Variants in RNF130 observed in about 807,000 individuals in gnomAD.
The protein encoded by RNF130 is E3 ubiquitin-protein ligase RNF130.
RNF130 carries 21 observed loss-of-function variants against 44.6 expected under a neutral mutation model. The ratio of observed to expected loss-of-function variants is 0.47; its 90% CI spans 0.33 to 0.68. RNF130 has a LOEUF of 0.68. Among genes scored for constraint, RNF130 ranks in the 30% least tolerant of loss-of-function variants. The probability of loss-of-function intolerance (pLI) is 0.02; values close to 1 mark genes in which losing one functional copy is unlikely to be tolerated. For synonymous variants in RNF130, 214 were observed against 210.4 expected (o/e 1.02, Z -0.15); for missense variants, 479 against 560.6 (o/e 0.85, Z 1.47).
intron 2 of RNF130, 24 bp downstream of exon 2, chr5:180,040,429 T>C (rs546256737): frequency 6.3e-7 from 1 of 1,594,606 alleles, no homozygotes; most frequent in South Asian, 1.1e-5. Flanking sequence ...AAAAACAAAA[T>C]CAACAACCCT....
At chr5:179,918,603 C>T (rs1157526104) in exon 8 of RNF130, 1 of 152,156 alleles carries the variant, frequency 6.6e-6, no homozygotes, top group Non-Finnish European at 1.5e-5. Context: ...GGGAAACCTG[C>T]TTTTCTGAAC....
chr5:179,979,475 G>C (rs1331328235), intron 4 of RNF130, among the ~76,000 whole-genome samples: 1 of 152,058 alleles, frequency 6.6e-6, no homozygotes, highest in Non-Finnish European at 1.5e-5. Flanking sequence ...GTGTGGGGCA[G>C]GAGACAGTTT....
intron 1 of RNF130, among the ~76,000 whole-genome samples, chr5:180,045,627 C>T (rs1302706951): frequency 2.6e-5 from 4 of 152,148 alleles, no homozygotes; most frequent in Admixed American, 6.5e-5. Flanking sequence ...AGCTGATTGG[C>T]CCATTTTGAC....
chr5:179,966,658 C>A, intron 7 of RNF130, 148 bp downstream of exon 7: 1 of 666,374 alleles, frequency 1.5e-6, no homozygotes, highest in Non-Finnish European at 2.6e-6. Flanking sequence ...TTCATTCTTC[C>A]AAATACCTGT....
intron 3 of RNF130, 195 bp from the exon 4 acceptor site, chr5:179,980,395 T>C: frequency 1.8e-6 from 1 of 551,094 alleles, no homozygotes; most frequent in Admixed American, 3.1e-5. Context: ...GTAAAAAGTG[T>C]TAGAACACCC....
chr5:180,009,945 A>G (rs1763548056), intron 3 of RNF130, among the ~76,000 whole-genome samples: 1 of 152,206 alleles, frequency 6.6e-6, no homozygotes, highest in Non-Finnish European at 1.5e-5. Flanking sequence ...ACTGATACAC[A>G]TAACAACTTG....
intron 7 of RNF130, among the ~76,000 whole-genome samples, chr5:179,940,507 G>T (rs1402478098): frequency 1.3e-5 from 2 of 152,060 alleles, no homozygotes; most frequent in African/African-American, 4.8e-5. Context: ...AAAGTGCTGG[G>T]ATTACAGGCA....
In RNF130 at chr5:180,071,584, T is replaced by C. The variant is rs1765269209; in HGVS notation, c.119A>G (p.Asn40Ser). ...GCGGCCGGGCTCCTGCACCGTCACG[T>C]TGATGAGCGCCGTGTAGTACTCCTG... is the stretch of plus-strand genomic sequence containing the variant. Reference protein sequence around the residue: ...ASQEYYTALINVTVQEPGRGA... With the variant: ...ASQEYYTALISVTVQEPGRGA... The change falls in exon 1 of 9, where the codon AAC (asparagine) becomes AGC (serine). Residue 40 changes from asparagine to serine, a missense_variant. Asn to Ser is a conservative substitution (Grantham distance 46, BLOSUM62 1). Coordinates refer to ENST00000521389, the MANE Select transcript of RNF130 (RefSeq NM_018434.6). The C allele has an allele frequency of 6.7e-7, 1 of 1,492,322 alleles. No individual in the cohort carries two copies. The highest frequency in any genetic ancestry group is 9.0e-7 in the Non-Finnish European group (1 of 1,117,292). The allele number at this position is 1,492,322 out of a possible 1,614,324, so 92.4% of individuals were successfully genotyped here. A position where few individuals can be genotyped will look rare whatever the true frequency, so the allele number is the denominator to read the frequency against.
intron 4 of RNF130, among the ~76,000 whole-genome samples, chr5:179,979,622 G>A (rs950322828): frequency 2.0e-5 from 3 of 152,026 alleles, no homozygotes; most frequent in Non-Finnish European, 2.9e-5. Context: ...GCTCTGAGGC[G>A]GGATGTCAGT....
Position 180,013,174 on chromosome 5 carries a change from A to C in RNF130, c.580T>G (p.Ser194Ala). ...AAGGATATTGACACGAAGACTAGAG[A>C]GCCACGGCTGAAGTTCTTCGGTGGC... ...RMPPKNFSRG[S>A]LVFVSISFIV... Residue 194 changes from serine to alanine, a missense_variant, in exon 3 of 9, where the codon TCT (serine) becomes GCT (alanine). Ser to Ala is a moderately conservative substitution (Grantham distance 99). Transcript: ENST00000521389. The C allele has an allele frequency of 1.2e-6, 2 of 1,614,150 alleles. No homozygotes were observed. Among genetic ancestry groups the C allele is most frequent in the East Asian group, 2.2e-5 (1 of 44,878 alleles).
intron 3 of RNF130, among the ~76,000 whole-genome samples, chr5:179,989,356 T>TC (rs1415991227): frequency 1.3e-5 from 2 of 152,186 alleles, no homozygotes; most frequent in Admixed American, 6.5e-5. Context: ...ATACTGAATT[T>TC]CCCAACCATT....
intron 1 of RNF130, among the ~76,000 whole-genome samples, chr5:180,057,689 G>T (rs186865645): frequency 1.4e-4 from 21 of 152,278 alleles, no homozygotes; most frequent in Admixed American, 1.4e-3. Flanking sequence ...CTGGTCATGG[G>T]ACCCTTCCAG....
chr5:179,970,792 T>C (rs957784671), intron 5 of RNF130, among the ~76,000 whole-genome samples: 1 of 152,194 alleles, frequency 6.6e-6, no homozygotes, highest in Non-Finnish European at 1.5e-5. Flanking sequence ...ACTTAGAAAA[T>C]TTATTAAGAA....
chr5:180,051,949 T>A (rs973379336), intron 1 of RNF130, among the ~76,000 whole-genome samples: 1 of 152,198 alleles, frequency 6.6e-6, no homozygotes, highest in African/African-American at 2.4e-5. Flanking sequence ...ACAAAGTTGG[T>A]GTCACAGTGC....
rs1762589076 is a variant in RNF130, at chr5:179,971,641, T to C, written c.849-1135A>G. On this transcript the variant is annotated intron_variant, in intron 5 of 8. Coordinates refer to ENST00000521389, the MANE Select transcript of RNF130 (RefSeq NM_018434.6). ...GCCTCGGCCTCCCAAAGTGCTGGGA[T>C]GACAGGCGTGAGCCACCACACCCGG... is the stretch of plus-strand genomic sequence containing the variant. Among the ~76,000 whole-genome samples, 4 of 152,344 alleles carry C rather than the reference T, an allele frequency of 2.6e-5. 1 individual carries two copies. The South Asian group carries it at 8.3e-4, about 32-fold the overall frequency.
At chr5:179,954,454 C>A (rs575859864), downstream of RNF130, among the ~76,000 whole-genome samples, 7 of 152,294 alleles carry the variant, frequency 4.6e-5, no homozygotes, top group African/African-American at 1.7e-4. Context: ...CATGCTAAGT[C>A]AAAGACGCCA....
At chr5:179,953,151 T>C (rs1280263575), downstream of RNF130, among the ~76,000 whole-genome samples, 1 of 152,148 alleles carries the variant, frequency 6.6e-6, no homozygotes, top group African/African-American at 2.4e-5. Context: ...TGTTGTAGGA[T>C]AAAAGATCAA....
At chr5:180,055,445 TGTGTGTGC>T (rs1263552997) in intron 1 of RNF130, among the ~76,000 whole-genome samples, 15 of 150,944 alleles carry the variant, frequency 9.9e-5, no homozygotes, top group African/African-American at 2.0e-4. Context: ...TGACTTTGTG[TGTGTGTGC>T]GTGTGTGTGT....
intron 1 of RNF130, among the ~76,000 whole-genome samples, chr5:180,066,548 C>G (rs879912760): frequency 1.3e-4 from 20 of 152,132 alleles, no homozygotes; most frequent in Non-Finnish European, 2.4e-4. Flanking sequence ...TTTGTCTTAG[C>G]CTGGGCAATA....
Sources: gnomAD v4.1 joint callset for allele counts (sites outside exome capture counted in the v4.1 genomes callset) on GRCh38, gnomAD v4.1.1 for gene constraint, MANE v1.5 for transcripts, NCBI Gene and HGNC (gene_info 2026-07-23, HGNC 2026-07-21) for gene names.